Variants in RPS6KC1 observed in about 807,000 individuals in gnomAD.
The protein encoded by RPS6KC1 is ribosomal protein S6 kinase C1.
RPS6KC1 carries 54 observed loss-of-function variants against 103.8 expected under a neutral mutation model. The ratio of observed to expected loss-of-function variants is 0.52; its 90% CI spans 0.42 to 0.65. The LOEUF (loss-of-function observed/expected upper bound fraction) is 0.65. Ranked by LOEUF, RPS6KC1 falls within the 30% of genes least tolerant of loss-of-function variation. RPS6KC1 has a pLI of 0.00. For synonymous variants in RPS6KC1, 439 were observed against 438.7 expected (o/e 1.00, Z -0.01); for missense variants, 1,151 against 1,253.8 (o/e 0.92, Z 1.24).
chr1:213,547,534 T>C, the RPS6KC1 span, among the ~76,000 whole-genome samples: 1 of 152,234 alleles, frequency 6.6e-6, no homozygotes, highest in African/African-American at 2.4e-5. Flanking sequence ...CTGATGTAGT[T>C]TGGATATTTG....
At chr1:213,600,744 CT>C in the RPS6KC1 span, among the ~76,000 whole-genome samples, 9 of 152,222 alleles carry the variant, frequency 5.9e-5, no homozygotes, top group African/African-American at 2.2e-4. Context: ...ATTTCTCATA[CT>C]TTAAAAATAA....
At chr1:213,561,865 A>G in the RPS6KC1 span, among the ~76,000 whole-genome samples, 25 of 152,250 alleles carry the variant, frequency 1.6e-4, no homozygotes, top group Non-Finnish European at 3.5e-4. Context: ...TGTCTACCCC[A>G]GGAATAATAT....
the RPS6KC1 span, among the ~76,000 whole-genome samples, chr1:213,613,228 G>A: frequency 6.6e-6 from 1 of 152,208 alleles, no homozygotes; most frequent in East Asian, 1.9e-4. Flanking sequence ...TAACTTTTGA[G>A]ATAATTTTCT....
chr1:213,710,417 G>A, the RPS6KC1 span, among the ~76,000 whole-genome samples: 13 of 152,084 alleles, frequency 8.5e-5, no homozygotes, highest in Admixed American at 3.9e-4. Flanking sequence ...GTCTTTGCAC[G>A]TGAGATGAGT....
chr1:213,801,816 A>G, the RPS6KC1 span, among the ~76,000 whole-genome samples: 2 of 152,206 alleles, frequency 1.3e-5, no homozygotes, highest in Admixed American at 6.5e-5. Flanking sequence ...TGGTGGAAGT[A>G]TCACTACCAT....
At chr1:213,678,513 A>G in the RPS6KC1 span, among the ~76,000 whole-genome samples, 1 of 152,244 alleles carries the variant, frequency 6.6e-6, no homozygotes, top group Non-Finnish European at 1.5e-5. Flanking sequence ...CTGTAAGGTC[A>G]GAGGCTCCCC....
At chr1:213,487,825 G>A in the RPS6KC1 span, among the ~76,000 whole-genome samples, 1 of 152,054 alleles carries the variant, frequency 6.6e-6, no homozygotes, top group Non-Finnish European at 1.5e-5. Context: ...CAGGAATGTG[G>A]TAAGAATATG....
the RPS6KC1 span, among the ~76,000 whole-genome samples, chr1:213,658,460 A>G: frequency 6.6e-6 from 1 of 152,194 alleles, no homozygotes; most frequent in East Asian, 1.9e-4. Flanking sequence ...AGTAAGGACA[A>G]TAAAACTCCA....
At chr1:213,807,171 C>T in the RPS6KC1 span, among the ~76,000 whole-genome samples, 11 of 152,198 alleles carry the variant, frequency 7.2e-5, no homozygotes, top group African/African-American at 1.7e-4. Flanking sequence ...ATGGGCTTCC[C>T]TTTGTGGGTA....
chr1:213,319,504 T>TA, the RPS6KC1 span, among the ~76,000 whole-genome samples: 4 of 152,194 alleles, frequency 2.6e-5, no homozygotes, highest in Non-Finnish European at 4.4e-5. Context: ...TCATAATAGT[T>TA]ACTATGGTTA....
chr1:213,117,178 A>T (rs1475181331), intron 4 of RPS6KC1, 139 bp from the exon 5 acceptor site: 2 of 518,262 alleles, frequency 3.9e-6, no homozygotes, highest in Non-Finnish European at 6.8e-6. Context: ...TTTTTTGAAA[A>T]CACTTGTCAT....
At chr1:213,328,505 TATATATATATATATA>T in the RPS6KC1 span, among the ~76,000 whole-genome samples, 2 of 3,638 alleles carry the variant, frequency 5.5e-4, no homozygotes, top group Admixed American at 4.2e-3. Context: ...GCCATTATAC[TATATATATATATATA>T]TATATATATA....
intron 1 of RPS6KC1, among the ~76,000 whole-genome samples, chr1:213,065,188 G>C (rs914591178): frequency 1.5e-4 from 22 of 151,220 alleles, no homozygotes; most frequent in African/African-American, 5.3e-4. Flanking sequence ...TCTTGGCCAG[G>C]CTGGTCTCGA....
the RPS6KC1 span, among the ~76,000 whole-genome samples, chr1:213,588,831 G>T: frequency 6.6e-5 from 10 of 152,116 alleles, no homozygotes; most frequent in African/African-American, 1.9e-4. Flanking sequence ...GGGTCAGCAT[G>T]GCAAGTGATA....
the RPS6KC1 span, among the ~76,000 whole-genome samples, chr1:213,468,140 C>T: frequency 6.6e-6 from 1 of 152,208 alleles, no homozygotes; most frequent in Admixed American, 6.5e-5. Flanking sequence ...TTGCCTTTCC[C>T]ATCCATTTGT....
chr1:213,834,707 C>T, the RPS6KC1 span, among the ~76,000 whole-genome samples: 2,445 of 147,218 alleles, frequency 0.017, 63 homozygotes, highest in African/African-American at 0.059. Flanking sequence ...CACACACACA[C>T]GTACACACAC....
At chr1:213,329,646 C>T in the RPS6KC1 span, among the ~76,000 whole-genome samples, 2,737 of 152,146 alleles carry the variant, frequency 0.018, 85 homozygotes, top group African/African-American at 0.059. Flanking sequence ...TCCCACTCCC[C>T]GGCTGGCGGA....
chr1:213,468,720 A>G, the RPS6KC1 span, among the ~76,000 whole-genome samples: 3 of 152,236 alleles, frequency 2.0e-5, no homozygotes, highest in African/African-American at 7.2e-5. Flanking sequence ...GTTATAGTGC[A>G]TATAAGATTA....
the RPS6KC1 span, among the ~76,000 whole-genome samples, chr1:213,487,502 T>C: frequency 1.3e-5 from 2 of 152,296 alleles, no homozygotes; most frequent in East Asian, 3.9e-4. Context: ...GTGATTTTTT[T>C]TTTTAAGGCC....
Sources: allele counts gnomAD v4.1 joint callset (sites outside exome capture counted in the v4.1 genomes callset), GRCh38; gene constraint gnomAD v4.1.1; transcripts MANE v1.5; gene names NCBI Gene and HGNC (gene_info 2026-07-23, HGNC 2026-07-21).